KHDRBS2: variants seen among roughly 807,000 people sequenced by gnomAD.
The protein encoded by KHDRBS2 is KH domain-containing, RNA-binding, signal transduction-associated protein 2.
Under a neutral mutation model 44.3 loss-of-function variants are expected in KHDRBS2, and 26 were observed. The ratio of observed to expected loss-of-function variants is 0.59; its 90% CI spans 0.43 to 0.81. The LOEUF (loss-of-function observed/expected upper bound fraction) is 0.81, where lower values mean the gene tolerates loss of function less well. Ranked by LOEUF, KHDRBS2 falls within the 40% of genes least tolerant of loss-of-function variation. The probability of loss-of-function intolerance (pLI) is 0.00; values close to 1 mark genes in which losing one functional copy is unlikely to be tolerated. For missense variants in KHDRBS2, 476 were observed against 433.1 expected (o/e 1.10, Z -0.88); for synonymous variants, 194 against 151.1 (o/e 1.28, Z -2.08).
intron 1 of KHDRBS2, among the ~76,000 whole-genome samples, chr6:62,200,246 A>C (rs1436595174): frequency 2.0e-5 from 3 of 152,198 alleles, no homozygotes; most frequent in African/African-American, 7.2e-5. Flanking sequence ...GGATCTAATT[A>C]AACTAAAGAG....
intron 2 of KHDRBS2, among the ~76,000 whole-genome samples, chr6:62,087,534 T>C (rs1798627384): frequency 1.3e-5 from 2 of 152,018 alleles, no homozygotes; most frequent in South Asian, 4.2e-4. Context: ...GAAAGTGAAA[T>C]ACTGAAGGTG....
chr6:62,102,908 T>C (rs373354632), intron 2 of KHDRBS2, among the ~76,000 whole-genome samples: 54 of 152,256 alleles, frequency 3.5e-4, no homozygotes, highest in Admixed American at 1.4e-3. Flanking sequence ...TGAGGTTACA[T>C]GGACAACTGG....
At chr6:61,772,014 G>A (rs1157743079) in intron 6 of KHDRBS2, among the ~76,000 whole-genome samples, 1 of 151,294 alleles carries the variant, frequency 6.6e-6, no homozygotes, top group Admixed American at 6.6e-5. Context: ...AATCAAACTA[G>A]AACTCACTCA....
intron 6 of KHDRBS2, among the ~76,000 whole-genome samples, chr6:61,861,635 C>T (rs1796986900): frequency 6.7e-6 from 1 of 149,512 alleles, no homozygotes; most frequent in Non-Finnish European, 1.5e-5. Flanking sequence ...AATATAAATC[C>T]AGGTAGCACG....
chr6:62,207,780 A>T (rs1828263305), intron 1 of KHDRBS2, among the ~76,000 whole-genome samples: 1 of 152,156 alleles, frequency 6.6e-6, no homozygotes, highest in Admixed American at 6.6e-5. Flanking sequence ...TTTTTAAAAA[A>T]TAATTATATT....
At chr6:61,696,237 T>TTTTATTTATTTATTTATTTATTTATTTA (rs10527202) in intron 8 of KHDRBS2, among the ~76,000 whole-genome samples, 5 of 146,122 alleles carry the variant, frequency 3.4e-5, no homozygotes, top group Admixed American at 6.8e-5. Context: ...CATATATGTA[T>TTTTATTTATTTATTTATTTATTTATTTA]TTTATTTATT....
At chr6:62,190,831 C>A (rs1030873076) in intron 1 of KHDRBS2, among the ~76,000 whole-genome samples, 1 of 152,056 alleles carries the variant, frequency 6.6e-6, no homozygotes, top group South Asian at 2.1e-4. Context: ...CCTGGTACTC[C>A]CCACTCTATA....
chr6:62,282,514 A>G (rs1448041698), intron 1 of KHDRBS2, among the ~76,000 whole-genome samples: 2 of 152,166 alleles, frequency 1.3e-5, no homozygotes, highest in East Asian at 3.9e-4. Flanking sequence ...TGGAATCACC[A>G]TAACTGAATA....
At chr6:61,651,326 G>A in the KHDRBS2 span, among the ~76,000 whole-genome samples, 4 of 151,952 alleles carry the variant, frequency 2.6e-5, no homozygotes, top group African/African-American at 9.7e-5. Context: ...AGATATCCTG[G>A]GGATGGAACC....
chr6:62,065,249 C>G lies in KHDRBS2; in HGVS notation c.220-17255G>C, dbSNP rs138116844. 1.4e-3 allele frequency among the ~76,000 whole-genome samples: 207 copies of G among 152,166 alleles called. 1 individual carries two copies. Among genetic ancestry groups the G allele is most frequent in the African/African-American group, 4.6e-3 (192 of 41,532 alleles). On this transcript the variant is annotated intron_variant, in intron 2 of 8. Coordinates refer to ENST00000281156, the MANE Select transcript of KHDRBS2 (RefSeq NM_152688.4). ...GCCATTCCTCAGGGATCTAGAACTA[C>G]AAATACCATTTGACCCAGCCATTCC...
At chr6:62,105,221 C>A (rs78834183) in intron 2 of KHDRBS2, among the ~76,000 whole-genome samples, 200 of 152,250 alleles carry the variant, frequency 1.3e-3, no homozygotes, top group African/African-American at 4.7e-3. Context: ...GCTAATTCTA[C>A]ACCAATTCTT....
At chr6:61,674,397 A>G in the KHDRBS2 span, among the ~76,000 whole-genome samples, 1 of 151,762 alleles carries the variant, frequency 6.6e-6, no homozygotes, top group East Asian at 1.9e-4. Flanking sequence ...TGTGTGGGTT[A>G]TCAAACTTTG....
the KHDRBS2 span, among the ~76,000 whole-genome samples, chr6:61,552,332 G>A: frequency 4.6e-5 from 7 of 152,070 alleles, no homozygotes; most frequent in African/African-American, 1.7e-4. Context: ...TTGGTGCATG[G>A]GAATGCTACT....
intron 2 of KHDRBS2, among the ~76,000 whole-genome samples, chr6:62,154,012 A>G (rs1419944798): frequency 6.6e-6 from 1 of 152,202 alleles, no homozygotes; most frequent in African/African-American, 2.4e-5. Context: ...TTGTTTCACT[A>G]GTAGAAGCGT....
intron 2 of KHDRBS2, among the ~76,000 whole-genome samples, chr6:62,070,895 G>A (rs1195676201): frequency 1.3e-5 from 2 of 152,114 alleles, no homozygotes; most frequent in Non-Finnish European, 2.9e-5. Context: ...TCTAGTTCTA[G>A]ATCCTTGAGG....
At chr6:61,720,685 G>C (rs1217424458) in intron 7 of KHDRBS2, among the ~76,000 whole-genome samples, 1 of 152,170 alleles carries the variant, frequency 6.6e-6, no homozygotes, top group Non-Finnish European at 1.5e-5. Flanking sequence ...TTAGCCCTTT[G>C]TTAGACGAGT....
At chr6:62,026,237 T>G (rs1271878641) in intron 3 of KHDRBS2, among the ~76,000 whole-genome samples, 1 of 151,540 alleles carries the variant, frequency 6.6e-6, no homozygotes, top group African/African-American at 2.4e-5. Flanking sequence ...CTTTCCCCAC[T>G]TGGCAATATG....
At chr6:61,746,619 T>C (rs115808850) in intron 6 of KHDRBS2, among the ~76,000 whole-genome samples, 2,611 of 152,266 alleles carry the variant, frequency 0.017, 41 homozygotes, top group South Asian at 0.058. Context: ...TAAACATACA[T>C]GGGTATGTGT....
the KHDRBS2 span, among the ~76,000 whole-genome samples, chr6:61,648,370 T>C: frequency 6.6e-6 from 1 of 152,164 alleles, no homozygotes; most frequent in Non-Finnish European, 1.5e-5. Flanking sequence ...GAATGGATAG[T>C]AATACCATCA....
Sources: gnomAD v4.1 joint callset for allele counts (sites outside exome capture counted in the v4.1 genomes callset) on GRCh38, gnomAD v4.1.1 for gene constraint, MANE v1.5 for transcripts, NCBI Gene and HGNC (gene_info 2026-07-23, HGNC 2026-07-21) for gene names.